The following CAMTA1 variants were observed in gnomAD, a reference collection of about 807,000 sequenced individuals.
CAMTA1 encodes the protein calmodulin-binding transcription activator 1.
In CAMTA1, 27 loss-of-function variants were observed where a neutral mutation model predicts 170.9. The ratio of observed to expected loss-of-function variants is 0.16; its 90% CI spans 0.12 to 0.22. CAMTA1 has a LOEUF of 0.22. CAMTA1 is among the 10% of genes least tolerant of loss of function. The pLI, the probability that CAMTA1 is intolerant of heterozygous loss-of-function variation, is 1.00. For missense variants in CAMTA1, 1,619 were observed against 2,217.2 expected (o/e 0.73, Z 5.42); for synonymous variants, 833 against 891.5 (o/e 0.93, Z 1.17).
intron 5 of CAMTA1, among the ~76,000 whole-genome samples, chr1:7,355,776 C>T (rs2149929340): frequency 1.3e-5 from 2 of 152,370 alleles, no homozygotes; most frequent in South Asian, 4.1e-4. Context: ...CCTCATCTCC[C>T]ACCAGCCTCC....
intron 6 of CAMTA1, among the ~76,000 whole-genome samples, chr1:7,493,834 G>A (rs927572484): frequency 2.6e-5 from 4 of 152,206 alleles, no homozygotes; most frequent in African/African-American, 9.6e-5. Context: ...TGTGCTCTGT[G>A]TTCAGCTTGG....
intron 5 of CAMTA1, among the ~76,000 whole-genome samples, chr1:7,360,828 A>G (rs1041755975): frequency 1.3e-4 from 20 of 152,314 alleles, no homozygotes; most frequent in Middle Eastern, 6.8e-3. Flanking sequence ...CACTTTCTCC[A>G]CGCCGGAGTT....
intron 6 of CAMTA1, among the ~76,000 whole-genome samples, chr1:7,556,841 G>A (rs1377771298): frequency 1.3e-5 from 2 of 152,196 alleles, no homozygotes; most frequent in Non-Finnish European, 2.9e-5. Context: ...CCCACTCAGA[G>A]TGAGCATTCA....
chr1:6,997,660 C>CT (rs111887834), intron 3 of CAMTA1, among the ~76,000 whole-genome samples: 4,598 of 127,548 alleles, frequency 0.036, 167 homozygotes, highest in South Asian at 0.12. Flanking sequence ...TCTTTTCTTT[C>CT]TTTTTTTTTT....
intron 4 of CAMTA1, among the ~76,000 whole-genome samples, chr1:7,158,152 C>T (rs1050416202): frequency 5.9e-5 from 9 of 152,150 alleles, no homozygotes; most frequent in African/African-American, 2.2e-4. Flanking sequence ...GAGCGAGACT[C>T]TGTCTCAAAA....
At position 6,971,102 on chromosome 1, in the gene CAMTA1, G is replaced by C. The variant is rs1306904286; in HGVS notation, c.235-120202G>C. 6.6e-6 allele frequency among the ~76,000 whole-genome samples: 1 copy of C among 152,140 alleles called. No homozygotes were observed. The highest frequency in any genetic ancestry group is 1.9e-4 in the East Asian group (1 of 5,188). ...GTCACCCAGCAGCCAGCTCCATTGTGGTCCTAGGAGTGTCAGTGAGCACAA... is the reference window on the plus strand; with the variant it reads ...GTCACCCAGCAGCCAGCTCCATTGTCGTCCTAGGAGTGTCAGTGAGCACAA... On this transcript the variant is annotated intron_variant, in intron 3 of 22. Transcript: ENST00000303635. The surrounding 1 kb of genome is among the most constrained non-coding windows in gnomAD (Gnocchi z 4.6).
At chr1:6,815,168 A>G (rs1300169130) in intron 1 of CAMTA1, among the ~76,000 whole-genome samples, 1 of 151,872 alleles carries the variant, frequency 6.6e-6, no homozygotes, top group Non-Finnish European at 1.5e-5. Context: ...GAAAACAGGG[A>G]ATATATATTA....
intron 21 of CAMTA1, 99 bp downstream of exon 21, chr1:7,752,632 T>G: frequency 1.1e-6 from 1 of 924,102 alleles, no homozygotes; most frequent in Non-Finnish European, 1.6e-6. Context: ...CTAATCCCCC[T>G]GCAGATAATC....
chr1:6,928,256 G>A (rs1017883367), intron 3 of CAMTA1, among the ~76,000 whole-genome samples: 3 of 152,220 alleles, frequency 2.0e-5, no homozygotes, highest in Non-Finnish European at 4.4e-5. Context: ...TCAGAGCAGA[G>A]AATTCCCTTT....
chr1:6,902,742 T>TA (rs1374890250), intron 3 of CAMTA1, among the ~76,000 whole-genome samples: 1 of 152,168 alleles, frequency 6.6e-6, no homozygotes, highest in Non-Finnish European at 1.5e-5. Context: ...GTCAGGGAAA[T>TA]ACAAGTTAAA....
At chr1:7,554,230 C>T (rs981371850) in intron 6 of CAMTA1, among the ~76,000 whole-genome samples, 2 of 152,160 alleles carry the variant, frequency 1.3e-5, no homozygotes, top group African/African-American at 4.8e-5. Context: ...CCCTTGCTGG[C>T]CCAGGGCTTA....
chr1:6,908,831 T>A (rs1016690445), intron 3 of CAMTA1, among the ~76,000 whole-genome samples: 1 of 152,226 alleles, frequency 6.6e-6, no homozygotes, highest in East Asian at 1.9e-4. Context: ...GGCCCCTGAA[T>A]GTGCAGTTCT....
At position 7,681,574 on chromosome 1, in the gene CAMTA1, T is replaced by C. The variant is rs183909359; in HGVS notation, c.2914+3841T>C. ...CCCAGGGAGGTCTGAGCAGGCCAGC[T>C]CTTCATACAAAGATGCAAGGGGGAC... is the stretch of plus-strand genomic sequence containing the variant. On this transcript the variant is annotated intron_variant, in intron 11 of 22. Coordinates refer to ENST00000303635, the MANE Select transcript of CAMTA1 (RefSeq NM_015215.4). The surrounding 1 kb of genome is among the most constrained non-coding windows in gnomAD (Gnocchi z 4.6). Among the ~76,000 whole-genome samples, 1 of 152,324 alleles carries C rather than the reference T, an allele frequency of 6.6e-6. No individual in the cohort carries two copies. The highest frequency in any genetic ancestry group is 6.5e-5 in the Admixed American group (1 of 15,304).
rs191834069 is a variant in CAMTA1, at chr1:7,256,607, G to A, written c.438+6981G>A. Among the ~76,000 whole-genome samples the A allele has an allele frequency of 1.2e-3, 181 of 152,226 alleles. 1 individual carries two copies. The highest frequency in any genetic ancestry group is 4.1e-3 in the African/African-American group (171 of 41,560). Reference sequence around the variant, plus strand: ...AAAGCAAGAGCAGCCCTTTCTGTTTGCATCTGCTGAGTTCACAAAGGCCTG... The same window carrying A: ...AAAGCAAGAGCAGCCCTTTCTGTTTACATCTGCTGAGTTCACAAAGGCCTG... On this transcript the variant is annotated intron_variant, in intron 5 of 22. Transcript: ENST00000303635.
chr1:7,103,495 AAC>A (rs1338036554), intron 4 of CAMTA1, among the ~76,000 whole-genome samples: 3 of 150,482 alleles, frequency 2.0e-5, no homozygotes, highest in South Asian at 2.1e-4. Flanking sequence ...ACGTACACAC[AAC>A]ACAGATACAC....
Position 7,216,203 on chromosome 1 carries a change from AACTC to A in CAMTA1, c.303-33280_303-33277del, listed in dbSNP as rs1410685338. Among the ~76,000 whole-genome samples the A allele has an allele frequency of 3.3e-5, 5 of 152,092 alleles. No individual in the cohort carries two copies. Among genetic ancestry groups the A allele is most frequent in the South Asian group, 4.2e-4 (2 of 4,814 alleles). On this transcript the variant is annotated intron_variant, in intron 4 of 22. Coordinates refer to ENST00000303635, the MANE Select transcript of CAMTA1 (RefSeq NM_015215.4). The surrounding 1 kb of genome is among the most constrained non-coding windows in gnomAD (Gnocchi z 4.0). ...CTTCCAAACAACCAGATCTCCTGAG[AACTC>A]ACTCACTATCACAAAAACAGCAAGG...
rs555423664 is a variant in CAMTA1 at position 7,210,334 on chromosome 1, G to T, written c.303-39157G>T. On this transcript the variant is annotated intron_variant, in intron 4 of 22. Coordinates refer to ENST00000303635, the MANE Select transcript of CAMTA1 (RefSeq NM_015215.4). The stretch of plus-strand genomic sequence containing the variant: ...ATTTTGTAGACTGTCCTTTGGTTGG[G>T]GTTTGTCAGATGTTTCCTTAGGACC... Among the ~76,000 whole-genome samples the T allele has an allele frequency of 1.2e-3, 182 of 152,190 alleles. 1 individual carries two copies. Among genetic ancestry groups the T allele is most frequent in the African/African-American group, 4.3e-3 (177 of 41,522 alleles).
At chr1:6,926,812 C>G (rs1203424425) in intron 3 of CAMTA1, among the ~76,000 whole-genome samples, 1 of 151,700 alleles carries the variant, frequency 6.6e-6, no homozygotes, top group Non-Finnish European at 1.5e-5. Flanking sequence ...CTCACTGCAG[C>G]CTTGATCTCT....
chr1:7,669,761 G>T (rs1202698521), intron 9 of CAMTA1, among the ~76,000 whole-genome samples: 1 of 152,184 alleles, frequency 6.6e-6, no homozygotes, highest in East Asian at 1.9e-4. Flanking sequence ...CCCAAGGTTA[G>T]CCAGGAGAGT....
Sources: gnomAD v4.1 joint callset for allele counts (sites outside exome capture counted in the v4.1 genomes callset) on GRCh38, gnomAD v4.1.1 for gene constraint, Gnocchi (gnomAD v3.1) non-coding constraint, MANE v1.5 for transcripts, NCBI Gene and HGNC (gene_info 2026-07-23, HGNC 2026-07-21) for gene names.